PCGF1: variants seen among roughly 807,000 people sequenced by gnomAD.
PCGF1 encodes polycomb group ring finger 1.
Under a neutral mutation model 38.8 loss-of-function variants are expected in PCGF1, and 10 were observed. The ratio of observed to expected loss-of-function variants is 0.26; its 90% confidence interval spans 0.16 to 0.44. PCGF1 has a LOEUF of 0.44. PCGF1 is among the 20% of genes least tolerant of loss of function. The pLI is 1.00. For missense variants in PCGF1, 230 were observed against 331.5 expected, an observed-to-expected ratio of 0.69 and a Z score of 2.38; for synonymous variants, 119 against 121.3, an observed-to-expected ratio of 0.98 and a Z score of 0.12.
At chr2:74,507,296 A>G in intron 1 of PCGF1, 149 bp from the exon 2 acceptor site, 1 of 1,466,588 alleles carries the variant, frequency 6.8e-7, no homozygotes, top group Non-Finnish European at 9.0e-7. Context: ...GGGGGCTGGC[A>G]CTCCCCCTCC....
At position 74,506,206 on chromosome 2, in the gene PCGF1, G is replaced by A. The variant is rs749540843; in HGVS notation, c.399C>T (p.Asp133=). ...IREFYQSRGL[D]RVTQPTGEEP... is the part of the protein sequence containing the mutation. ...CTTCCCCAGTGGGCTGGGTGACCCG[G>A]TCCAAACCTCGGGACTGGTAGAATT... The change falls in exon 4 of 9, where the codon GAC becomes GAT. Residue 133 remains aspartate (D), a synonymous_variant. Transcript: ENST00000233630. The A allele has an allele frequency of 1.2e-6, 2 of 1,614,206 alleles. No homozygotes were observed. The highest frequency in any genetic ancestry group is 2.2e-5 in the South Asian group (2 of 91,076).
In PCGF1 at chr2:74,505,617, C is replaced by T; in HGVS notation, c.586G>A (p.Val196Ile). 1 of 1,614,038 alleles carries T rather than the reference C, an allele frequency of 6.2e-7. No individual in the cohort carries two copies. The highest frequency in any genetic ancestry group is 2.2e-5 in the East Asian group (1 of 44,848). ...CGGAGATGGCGTACCTCAGCTCTAACAGAACATCGGACATACTTGTTCTGG... is the reference window on the plus strand; with the variant it reads ...CGGAGATGGCGTACCTCAGCTCTAATAGAACATCGGACATACTTGTTCTGG... ...VLQNKYVRCSVRAEVRHLRRV... is the reference protein window; with the variant it reads ...VLQNKYVRCSIRAEVRHLRRV... The change falls in exon 7 of 9, where the codon GTT becomes ATT. Residue 196 changes from valine (V) to isoleucine (I), a missense_variant. Val to Ile is a conservative substitution (Grantham distance 29, BLOSUM62 3). Coordinates refer to ENST00000233630, the MANE Select transcript of PCGF1 (RefSeq NM_032673.3).
rs1371199468 is a variant in PCGF1, at chr2:74,505,967, C to T, written c.515G>A (p.Cys172Tyr). ...TTCTCCTCACCTCAGCCGCTCCAGG[C>T]ACAGGTTCAACTGCTCATCATAGCG... ...YYRYDEQLNL[C>Y]LERLSSGKDK... Residue 172 changes from cysteine to tyrosine, a missense_variant, in exon 5 of 9, where the codon TGC (cysteine) becomes TAC (tyrosine). Around this residue, in one of 3 missense-constraint regions of PCGF1, gnomAD observed 144 missense variants for 182.4 expected, o/e 0.79. Transcript: ENST00000233630. 6.2e-7 allele frequency: 1 copy of T among 1,614,146 alleles called. No individual in the cohort carries two copies. The highest frequency in any genetic ancestry group is 1.3e-5 in the African/African-American group (1 of 75,038).
At chr2:74,507,327 C>A (rs751751799) in intron 1 of PCGF1, 180 bp from the exon 2 acceptor site, 56 of 1,458,028 alleles carry the variant, frequency 3.8e-5, no homozygotes, top group Non-Finnish European at 4.9e-5. Context: ...GGGCTCCGCG[C>A]ACAGCGGGGG....
rs1400848670 is a variant in PCGF1 at position 74,507,669 on chromosome 2, C to G, written c.-1G>C. On this transcript the variant is annotated 5_prime_UTR_variant, in exon 1 of 9. Transcript: ENST00000233630. ...TCTGGCCCCCCTGAGGAGACGCCATCTTAAAGGCTGATCCCAGCCGGCCAC... is the reference window on the plus strand; with the variant it reads ...TCTGGCCCCCCTGAGGAGACGCCATGTTAAAGGCTGATCCCAGCCGGCCAC... 6.4e-7 allele frequency: 1 copy of G among 1,556,692 alleles called. No individual in the cohort carries two copies.
intron 1 of PCGF1, 128 bp from the exon 2 acceptor site, chr2:74,507,275 G>A (rs1226477783): frequency 1.8e-5 from 26 of 1,479,696 alleles, no homozygotes; most frequent in Non-Finnish European, 2.2e-5. Context: ...ATCAGCCGGG[G>A]ATTAGCTCCT....
chr2:74,505,725 A>T lies in PCGF1; in HGVS notation c.564+12T>A, dbSNP rs1322846103. The T allele has an allele frequency of 1.9e-6, 3 of 1,614,216 alleles. No individual in the cohort carries two copies. The Admixed American group carries it at 5.0e-5, about 27-fold the overall frequency. On this transcript the variant is annotated intron_variant, in intron 6 of 8. Transcript: ENST00000233630. ...GTCTCCTTAGAGAGGCCCTCCCCTC[A>T]GCCCTTCTCACCTGCAGGACGCTTT...
At chr2:74,506,159 T>C (rs1674626928) in intron 4 of PCGF1, 22 bp downstream of exon 4, 1 of 1,613,908 alleles carries the variant, frequency 6.2e-7, no homozygotes, top group African/African-American at 1.3e-5. Context: ...GGGTCTTTAC[T>C]GTCCCGCGGC....
At chr2:74,505,823 A>G in intron 5 of PCGF1, 53 bp from the exon 6 acceptor site, 1 of 1,610,938 alleles carries the variant, frequency 6.2e-7, no homozygotes, top group Non-Finnish European at 8.5e-7. Flanking sequence ...CCTCTTCCCC[A>G]CCCAGAGCCA....
intron 7 of PCGF1, 39 bp from the exon 8 acceptor site, chr2:74,505,458 G>C (rs1177656593): frequency 2.1e-5 from 33 of 1,606,264 alleles, no homozygotes; most frequent in African/African-American, 2.7e-5. Flanking sequence ...GGAACTTTCT[G>C]GCAGGTCAAA....
At position 74,505,145 on chromosome 2, in the gene PCGF1, A is replaced by G; in HGVS notation, c.778T>C (p.Ter260GlnextTer18). 6.6e-7 allele frequency: 1 copy of G among 1,506,518 alleles called. No individual in the cohort carries two copies. Among genetic ancestry groups the G allele is most frequent in the Non-Finnish European group, 8.9e-7 (1 of 1,126,856 alleles). 93.3% of individuals were successfully genotyped at this position (1,506,518 alleles called of 1,614,324 possible). Residue 260 changes from the stop codon to glutamine, a stop_lost, in exon 9 of 9, where the codon TAG (stop) becomes CAG (glutamine). Transcript: ENST00000233630. ...LQYSVKEKRR[*>Q] is the part of the protein sequence containing the mutation. ...GGGATGGGGTGGGGGCTTGGCCCCT[A>G]CCTCCTCTTCTCTTTCACACTGTAT...
intron 3 of PCGF1, 189 bp downstream of exon 3, chr2:74,506,543 A>C: frequency 1.5e-6 from 1 of 670,598 alleles, no homozygotes. Flanking sequence ...GCGCCACTGC[A>C]CTCCAGCCTG....
At position 74,506,879 on chromosome 2, in the gene PCGF1, T is replaced by G. The variant is rs1674648299; in HGVS notation, c.205A>C (p.Lys69Gln). 1 of 1,614,070 alleles carries G rather than the reference T, an allele frequency of 6.2e-7. No individual in the cohort carries two copies. The highest frequency in any genetic ancestry group is 1.3e-5 in the African/African-American group (1 of 74,926). The change falls in exon 3 of 9, where the codon AAG becomes CAG. Residue 69 changes from lysine (K) to glutamine (Q), a missense_variant. Physicochemically the swap from Lys to Gln is moderately conservative, Grantham distance 53 (BLOSUM62 1). Coordinates refer to ENST00000233630, the MANE Select transcript of PCGF1 (RefSeq NM_032673.3). The stretch of plus-strand genomic sequence containing the variant: ...TGGAGGTACTTCACAATACAACTCT[T>G]GCAGACTGCAGGAAAAGAAAAGCAG... ...TITECLHTFC[K>Q]SCIVKYLQTS...
chr2:74,506,650 A>G, intron 3 of PCGF1, 82 bp downstream of exon 3: 1 of 1,481,512 alleles, frequency 6.7e-7, no homozygotes, highest in Non-Finnish European at 9.4e-7. Context: ...TGCCTACGTG[A>G]GTCCTACCAA....
At chr2:74,507,220 C>A in intron 1 of PCGF1, 73 bp from the exon 2 acceptor site, 2 of 1,531,310 alleles carry the variant, frequency 1.3e-6, no homozygotes, top group East Asian at 2.4e-5. Context: ...CCTTGGGGGT[C>A]GCCTCCTTCA....
At chr2:74,507,242 G>A (rs115156451) in intron 1 of PCGF1, 95 bp from the exon 2 acceptor site, 21,195 of 1,499,928 alleles carry the variant, frequency 0.014, 175 homozygotes, top group Non-Finnish European at 0.016. Flanking sequence ...CACACTAGAC[G>A]GCCAAGCCCC....
At chr2:74,506,139 G>T in intron 4 of PCGF1, 42 bp downstream of exon 4, 5 of 1,612,786 alleles carry the variant, frequency 3.1e-6, no homozygotes, top group Non-Finnish European at 3.4e-6. Flanking sequence ...TGGGCAAGAA[G>T]AATGCTCTGG....
rs771546792 is a variant in PCGF1 at position 74,506,850 on chromosome 2, A to G, written c.234T>C (p.Thr78=). 1.1e-5 allele frequency: 18 copies of G among 1,614,204 alleles called. No individual in the cohort carries two copies. The highest frequency in any genetic ancestry group is 1.4e-5 in the Non-Finnish European group (17 of 1,180,038). The change falls in exon 3 of 9, where the codon ACT becomes ACC. Residue 78 remains threonine (T), a synonymous_variant. Transcript: ENST00000233630. ...TGTTGCACATGGGGCAGTACTTGCT[A>G]GTTTGGAGGTACTTCACAATACAAC... ...CKSCIVKYLQ[T]SKYCPMCNIK... is the part of the protein sequence containing the mutation.
chr2:74,506,176 C>T lies in PCGF1; in HGVS notation c.424+5G>A. Reference sequence around the variant, plus strand: ...GTCTTTACTGTCCCGCGGCCAAGGACATACCTTCCCCAGTGGGCTGGGTGA... The same window carrying T: ...GTCTTTACTGTCCCGCGGCCAAGGATATACCTTCCCCAGTGGGCTGGGTGA... On this transcript the variant is annotated splice_donor_5th_base_variant and intron_variant, in intron 4 of 8. Coordinates refer to ENST00000233630, the MANE Select transcript of PCGF1 (RefSeq NM_032673.3). 6.2e-7 allele frequency: 1 copy of T among 1,614,166 alleles called. No homozygotes were observed. The highest frequency in any genetic ancestry group is 8.5e-7 in the Non-Finnish European group (1 of 1,180,000).
Sources: allele counts gnomAD v4.1 joint callset, GRCh38; gene constraint gnomAD v4.1.1; regional missense constraint gnomAD v4.1.1; transcripts MANE v1.5; gene names NCBI Gene and HGNC (gene_info 2026-07-23, HGNC 2026-07-21).